PDZD8: variants seen among roughly 807,000 people sequenced by gnomAD.
The protein encoded by PDZD8 is PDZ domain-containing protein 8.
Under a neutral mutation model 85.8 loss-of-function variants are expected in PDZD8, and 14 were observed. The ratio of observed to expected loss-of-function variants is 0.16; its 90% confidence interval spans 0.11 to 0.26. PDZD8 has a LOEUF of 0.26. PDZD8 is among the 10% of genes least tolerant of loss of function. PDZD8 has a pLI of 1.00. For synonymous variants in PDZD8, 592 were observed against 568.6 expected, an observed-to-expected ratio of 1.04 and a Z score of -0.59; for missense variants, 1,197 against 1,424.3, an observed-to-expected ratio of 0.84 and a Z score of 2.57.
chr10:117,294,363 A>G (rs1413005761), intron 3 of PDZD8, among the ~76,000 whole-genome samples: 1 of 151,760 alleles, frequency 6.6e-6, no homozygotes, highest in Non-Finnish European at 1.5e-5. Context: ...ACAAATATTG[A>G]CAAGGATGTG....
intron 3 of PDZD8, 34 bp from the exon 4 acceptor site, chr10:117,290,382 C>G (rs1187717101): frequency 1.3e-6 from 2 of 1,518,806 alleles, no homozygotes; most frequent in African/African-American, 1.4e-5. Flanking sequence ...AAAACTGATT[C>G]AATGGATTCC....
rs551576660 is a variant in PDZD8, at chr10:117,341,160, A to G, written c.873-58T>C. ...AATAATAAACACCACAGTTTAAAGC[A>G]TAACAAAACTCACCTGTACAAAAAC... On this transcript the variant is annotated intron_variant, in intron 1 of 4. Transcript: ENST00000334464. 4.5e-6 allele frequency: 7 copies of G among 1,556,560 alleles called. No individual in the cohort carries two copies. The African/African-American group carries it at 9.5e-5, about 21-fold the overall frequency.
In PDZD8 at chr10:117,290,359, G is replaced by C; in HGVS notation, c.1099-11C>G. The stretch of plus-strand genomic sequence containing the variant: ...TTTTATTAATTCAACCTTTGATAAA[G>C]GGGAAAAAAATGAAAACTGATTCAA... On this transcript the variant is annotated splice_polypyrimidine_tract_variant and intron_variant, in intron 3 of 4. Transcript: ENST00000334464. 1 of 1,577,952 alleles carries C rather than the reference G, an allele frequency of 6.3e-7. No individual in the cohort carries two copies.
intron 3 of PDZD8, among the ~76,000 whole-genome samples, chr10:117,293,650 T>A (rs1200045359): frequency 6.6e-6 from 1 of 151,998 alleles, no homozygotes; most frequent in Non-Finnish European, 1.5e-5. Flanking sequence ...TCTTCATCCC[T>A]CTCTCAGCAA....
intron 1 of PDZD8, among the ~76,000 whole-genome samples, chr10:117,359,347 T>C (rs897412478): frequency 6.0e-5 from 9 of 151,024 alleles, no homozygotes; most frequent in Admixed American, 3.3e-4. Context: ...GCCCAGGCAG[T>C]TGAGGTTACA....
chr10:117,344,635 C>A (rs1844673178), intron 1 of PDZD8, among the ~76,000 whole-genome samples: 1 of 152,182 alleles, frequency 6.6e-6, no homozygotes, highest in South Asian at 2.1e-4. Flanking sequence ...GATCTGCCCA[C>A]CTCGGCCTCC....
In PDZD8 at chr10:117,318,522, CAT is replaced by C. The variant is rs1844169090; in HGVS notation, c.1098+348_1098+349del. On this transcript the variant is annotated intron_variant, in intron 3 of 4. Coordinates refer to ENST00000334464, the MANE Select transcript of PDZD8 (RefSeq NM_173791.5). ...CAGTGCCCAGCACAAAGTAAGTGCTCATAAAATATCTGTCCAATGAATGAATA... is the reference window on the plus strand; with the variant it reads ...CAGTGCCCAGCACAAAGTAAGTGCTCAAAATATCTGTCCAATGAATGAATA... Among the ~76,000 whole-genome samples the C allele has an allele frequency of 2.6e-5, 4 of 152,198 alleles. No individual in the cohort carries two copies. The South Asian group carries it at 8.3e-4, about 32-fold the overall frequency.
intron 3 of PDZD8, among the ~76,000 whole-genome samples, chr10:117,310,764 T>C (rs1181104030): frequency 6.6e-6 from 1 of 152,214 alleles, no homozygotes; most frequent in Non-Finnish European, 1.5e-5. Context: ...TTATTTGCTT[T>C]AATCTTTCTC....
intron 3 of PDZD8, among the ~76,000 whole-genome samples, chr10:117,315,113 T>A (rs948806785): frequency 1.3e-5 from 2 of 152,192 alleles, no homozygotes; most frequent in Non-Finnish European, 2.9e-5. Context: ...ATTTTCATGG[T>A]ACCTTCTCTT....
chr10:117,353,502 A>G (rs546779013), intron 1 of PDZD8, among the ~76,000 whole-genome samples: 3 of 149,820 alleles, frequency 2.0e-5, no homozygotes, highest in African/African-American at 7.4e-5. Flanking sequence ...TATAAGGAAC[A>G]CTATGAAAGT....
chr10:117,322,559 C>T (rs1375945982), intron 2 of PDZD8, among the ~76,000 whole-genome samples: 1 of 152,138 alleles, frequency 6.6e-6, no homozygotes, highest in Non-Finnish European at 1.5e-5. Flanking sequence ...GTGGTTATTA[C>T]TGCAGGGGGC....
chr10:117,368,364 A>C (rs540526484), intron 1 of PDZD8, among the ~76,000 whole-genome samples: 1 of 152,204 alleles, frequency 6.6e-6, no homozygotes, highest in Non-Finnish European at 1.5e-5. Flanking sequence ...AGTAATGCAC[A>C]ATGCCATTGT....
intron 1 of PDZD8, among the ~76,000 whole-genome samples, chr10:117,370,817 ACTCTT>A (rs1442688620): frequency 6.6e-6 from 1 of 151,976 alleles, no homozygotes; most frequent in Non-Finnish European, 1.5e-5. Context: ...TTATAGTCAT[ACTCTT>A]CTCAAGAGTT....
At chr10:117,289,959 T>C (rs911030422) in intron 4 of PDZD8, among the ~76,000 whole-genome samples, 2 of 152,206 alleles carry the variant, frequency 1.3e-5, no homozygotes, top group South Asian at 4.1e-4. Flanking sequence ...CTAAACAAAG[T>C]ATTTTAAAGA....
intron 1 of PDZD8, among the ~76,000 whole-genome samples, chr10:117,366,908 G>C (rs1589597198): frequency 6.6e-6 from 1 of 152,186 alleles, no homozygotes; most frequent in East Asian, 1.9e-4. Context: ...TGCCCACACA[G>C]TGCCTAATGA....
chr10:117,345,636 A>C (rs1589581662), intron 1 of PDZD8, among the ~76,000 whole-genome samples: 1 of 151,604 alleles, frequency 6.6e-6, no homozygotes, highest in East Asian at 1.9e-4. Context: ...AGAAAAAGTT[A>C]TGAGACATAA....
At chr10:117,373,604 CAAAAAAAA>C (rs796930758) in intron 1 of PDZD8, among the ~76,000 whole-genome samples, 8 of 52,424 alleles carry the variant, frequency 1.5e-4, no homozygotes, top group Admixed American at 2.8e-4. Context: ...CTAAAAAATA[CAAAAAAAA>C]AAAAAAAAAA....
chr10:117,324,947 T>C (rs1844289406), intron 2 of PDZD8, among the ~76,000 whole-genome samples: 1 of 152,212 alleles, frequency 6.6e-6, no homozygotes, highest in South Asian at 2.1e-4. Flanking sequence ...GTGAGTATTC[T>C]TAATTTTATG....
rs1564703081 is a variant in PDZD8, at chr10:117,333,137, A to AAAAC, written c.995+7842_995+7843insGTTT. Among the ~76,000 whole-genome samples, 76 of 149,212 alleles carry AAAAC rather than the reference A, an allele frequency of 5.1e-4. 2 individuals carry two copies. Among genetic ancestry groups the AAAAC allele is most frequent in the African/African-American group, 1.8e-3 (72 of 40,492 alleles). ...TGTCTCAAAAAAAAAAAAAAAAAAA[A>AAAAC]AAAAAAGGGGATATGGAGGCAGAAT... On this transcript the variant is annotated intron_variant, in intron 2 of 4. Coordinates refer to ENST00000334464, the MANE Select transcript of PDZD8 (RefSeq NM_173791.5).
Sources: allele counts gnomAD v4.1 joint callset (sites outside exome capture counted in the v4.1 genomes callset), GRCh38; gene constraint gnomAD v4.1.1; transcripts MANE v1.5; gene names NCBI Gene and HGNC (gene_info 2026-07-23, HGNC 2026-07-21).